PHGDH: variants seen among roughly 807,000 people sequenced by gnomAD.
The protein encoded by PHGDH is phosphoglycerate dehydrogenase, also known as D-3-phosphoglycerate dehydrogenase.
Under a neutral mutation model 52.6 loss-of-function variants are expected in PHGDH, and 50 were observed. That is an observed-to-expected ratio of 0.95 (90% CI 0.76 to 1.20). The LOEUF is 1.20. Ranked by LOEUF, PHGDH falls within the 50% of genes most tolerant of loss-of-function variation. The pLI, the probability that PHGDH is intolerant of heterozygous loss-of-function variation, is 0.00. For synonymous variants in PHGDH, 271 were observed against 280.5 expected (o/e 0.97, Z 0.34); for missense variants, 630 against 684.6 (o/e 0.92, Z 0.89).
Position 119,740,503 on chromosome 1 carries a change from C to T in PHGDH, c.1063C>T (p.Gln355Ter), listed in dbSNP as rs979237677. The stretch of plus-strand genomic sequence containing the variant: ...GGCTGGGTCCCCCAAAGGGACCATC[C>T]AGGTGATAACACAGGGTGAGCTGGG... ...AWAGSPKGTI[Q>*]VITQGTSLKN... is the part of the protein sequence containing the mutation. The change falls in exon 9 of 12, where the codon CAG (glutamine) becomes TAG (stop). Residue 355 changes from glutamine (Q) to a stop codon, truncating the protein, a stop_gained. Transcript: ENST00000641023. LOFTEE classifies it high-confidence loss of function. 6.3e-6 allele frequency: 10 copies of T among 1,580,246 alleles called. No homozygotes were observed. The highest frequency in any genetic ancestry group is 1.3e-5 in the African/African-American group (1 of 74,104).
chr1:119,712,556 CG>C (rs1233638308), intron 1 of PHGDH: 4 of 279,504 alleles, frequency 1.4e-5, no homozygotes, highest in Non-Finnish European at 2.8e-5. Context: ...CGCCTCCGCG[CG>C]GGGCGATCGG....
At chr1:119,731,575 T>C (rs1202061762) in intron 5 of PHGDH, among the ~76,000 whole-genome samples, 1 of 152,178 alleles carries the variant, frequency 6.6e-6, no homozygotes, top group African/African-American at 2.4e-5. Flanking sequence ...CCAGCTAATG[T>C]TTGCTGAGGT....
At chr1:119,723,492 TA>T in intron 3 of PHGDH, 51 bp downstream of exon 3, 1 of 1,390,518 alleles carries the variant, frequency 7.2e-7, no homozygotes, top group Non-Finnish European at 1.0e-6. Context: ...TGCCAATTAT[TA>T]CCACTTGCCA....
intron 10 of PHGDH, chr1:119,742,165 A>G: frequency 2.0e-6 from 1 of 508,660 alleles, no homozygotes; most frequent in Non-Finnish European, 3.6e-6. Flanking sequence ...GAAAATGACG[A>G]GCTAGTGTGT....
rs768939904 is a variant in PHGDH at position 119,727,092 on chromosome 1, T to C, written c.500T>C (p.Phe167Ser). The change falls in exon 5 of 12, where the codon TTT (phenylalanine) becomes TCT (serine). Residue 167 changes from phenylalanine (F) to serine (S), a missense_variant. By Grantham distance (155) the Phe-to-Ser change is radical. Transcript: ENST00000641023. The stretch of plus-strand genomic sequence containing the variant: ...GAGGTAGCTACCCGGATGCAGTCCT[T>C]TGGGATGAAGGTAAGATGTTGCTGG... ...GREVATRMQS[F>S]GMKTIGYDPI... 1 of 1,593,652 alleles carries C rather than the reference T, an allele frequency of 6.3e-7. No homozygotes were observed. The highest frequency in any genetic ancestry group is 8.6e-7 in the Non-Finnish European group (1 of 1,161,234).
rs779159301 is a variant in PHGDH at position 119,743,956 on chromosome 1, G to A, written c.1518G>A (p.Trp506Ter). ...CACTGGTGTCAGATGGGGAGACCTGGCACGTCATGGGCATCTCCTCCTTGC... is the reference window on the plus strand; with the variant it reads ...CACTGGTGTCAGATGGGGAGACCTGACACGTCATGGGCATCTCCTCCTTGC... The part of the protein sequence containing the change: ...QTSLVSDGET[W>*]HVMGISSLLP... Residue 506 changes from tryptophan to a stop codon, truncating the protein, a stop_gained, in exon 12 of 12, where the codon TGG becomes TGA. Transcript: ENST00000641023. LOFTEE classifies it high-confidence loss of function. The A allele has an allele frequency of 1.9e-6, 3 of 1,613,440 alleles. No homozygotes were observed. Among genetic ancestry groups the A allele is most frequent in the East Asian group, 2.2e-5 (1 of 44,880 alleles).
At chr1:119,713,886 T>C (rs1650808889) in intron 1 of PHGDH, among the ~76,000 whole-genome samples, 1 of 151,994 alleles carries the variant, frequency 6.6e-6, no homozygotes, top group Admixed American at 6.5e-5. Flanking sequence ...GAGGGCAGAA[T>C]TGAGAGGAAT....
intron 3 of PHGDH, chr1:119,724,766 A>G (rs761758177): frequency 4.4e-6 from 2 of 456,108 alleles, no homozygotes; most frequent in South Asian, 3.1e-5. Flanking sequence ...AGCCAGCAAT[A>G]CTTTCCCTCC....
chr1:119,735,083 G>T (rs1397421886), intron 6 of PHGDH: 13 of 689,610 alleles, frequency 1.9e-5, no homozygotes, highest in Non-Finnish European at 3.3e-5. Context: ...TTTCTAAGAT[G>T]TTTCTAAACT....
chr1:119,726,860 C>T lies in PHGDH; in HGVS notation c.366C>T (p.Pro122=). 1.2e-6 allele frequency: 2 copies of T among 1,614,030 alleles called. No individual in the cohort carries two copies. Among genetic ancestry groups the T allele is most frequent in the Non-Finnish European group, 1.7e-6 (2 of 1,179,974 alleles). Residue 122 remains proline, a synonymous_variant, in exon 4 of 12, where the codon CCC becomes CCT. Coordinates refer to ENST00000641023, the MANE Select transcript of PHGDH (RefSeq NM_006623.4). ...GMIMCLARQI[P]QATASMKDGK... The stretch of plus-strand genomic sequence containing the variant: ...GTGTCTATCCTTGCAGGCAGATTCC[C>T]CAGGCGACGGCTTCGATGAAGGACG...
chr1:119,732,867 G>A (rs761160273), intron 5 of PHGDH, among the ~76,000 whole-genome samples: 5 of 152,128 alleles, frequency 3.3e-5, no homozygotes, highest in African/African-American at 4.8e-5. Context: ...TGGAGTAGAC[G>A]TCAGTCAGGC....
At chr1:119,727,534 G>A in intron 5 of PHGDH, 1 of 257,374 alleles carries the variant, frequency 3.9e-6, no homozygotes, top group Non-Finnish European at 7.6e-6. Context: ...CTGCTCATAA[G>A]AGTGAGGCAG....
chr1:119,721,148 C>A, intron 1 of PHGDH, 22 bp from the exon 2 acceptor site: 2 of 1,613,418 alleles, frequency 1.2e-6, no homozygotes, highest in African/African-American at 2.7e-5. Flanking sequence ...CTTTCTGGAC[C>A]CAAATGTTTT....
At chr1:119,723,839 A>G (rs587704731) in intron 3 of PHGDH, among the ~76,000 whole-genome samples, 100 of 152,010 alleles carry the variant, frequency 6.6e-4, no homozygotes, top group African/African-American at 2.4e-3. Context: ...TTCAGTATTA[A>G]TTTATCCAAG....
intron 10 of PHGDH, chr1:119,742,326 C>G (rs1455312229): frequency 2.8e-6 from 1 of 357,552 alleles, no homozygotes; most frequent in Admixed American, 4.2e-5. Flanking sequence ...GCCTTCCCCT[C>G]TGGTTCCCTG....
chr1:119,725,088 C>T, intron 3 of PHGDH: 1 of 433,492 alleles, frequency 2.3e-6, no homozygotes, highest in South Asian at 1.6e-5. Context: ...AGAAGAACAG[C>T]ACACAGAAAG....
chr1:119,725,268 A>C (rs1440895564), intron 3 of PHGDH, among the ~76,000 whole-genome samples: 1 of 152,202 alleles, frequency 6.6e-6, no homozygotes, highest in African/African-American at 2.4e-5. Flanking sequence ...TGAAACCTGG[A>C]GAGGCTCCAT....
intron 2 of PHGDH, 40 bp from the exon 3 acceptor site, chr1:119,723,336 G>T: frequency 2.0e-6 from 3 of 1,489,456 alleles, no homozygotes; most frequent in Non-Finnish European, 2.8e-6. Context: ...GGAATACTGG[G>T]TCTGTGCCCA....
chr1:119,737,045 G>C, intron 7 of PHGDH, 69 bp from the exon 8 acceptor site: 1 of 1,522,104 alleles, frequency 6.6e-7, no homozygotes, highest in East Asian at 2.2e-5. Context: ...CTTTCCTGTT[G>C]CCTGGGGTGG....
Sources: gnomAD v4.1 joint callset for allele counts (sites outside exome capture counted in the v4.1 genomes callset) on GRCh38, gnomAD v4.1.1 for gene constraint, MANE v1.5 for transcripts, NCBI Gene and HGNC (gene_info 2026-07-23, HGNC 2026-07-21) for gene names.